Variants in OR4Q3 observed in about 807,000 individuals in gnomAD.
OR4Q3 encodes the protein olfactory receptor 4Q3.
A neutral mutation model predicts 18.8 loss-of-function variants in OR4Q3; 17 were observed. That is an observed-to-expected ratio of 0.91 (90% confidence interval 0.62 to 1.36). The LOEUF (loss-of-function observed/expected upper bound fraction) is 1.36. OR4Q3 is among the 40% of genes most tolerant of loss of function. The pLI is 0.00. For synonymous variants in OR4Q3, 158 were observed against 145.8 expected (o/e 1.08, Z -0.60); for missense variants, 378 against 373.4 (o/e 1.01, Z -0.10).
exon 2 of OR4Q3, chr14:19,748,345 A>C: frequency 6.2e-7 from 1 of 1,609,962 alleles, no homozygotes. Flanking sequence ...GGATAAAACC[A>C]TGTGGCATTC....
downstream of OR4Q3, among the ~76,000 whole-genome samples, chr14:19,749,715 G>A: frequency 0.12 from 17,885 of 143,306 alleles, 516 homozygotes; most frequent in South Asian, 0.23. Flanking sequence ...TATACAGATT[G>A]CTTCTTTCTT....
At chr14:19,751,059 C>T, downstream of OR4Q3, among the ~76,000 whole-genome samples, 2 of 152,234 alleles carry the variant, frequency 1.3e-5, no homozygotes, top group East Asian at 3.8e-4. Context: ...AAGCCAGCTG[C>T]AACATCCCTT....
At chr14:19,745,751 G>T in intron 1 of OR4Q3, among the ~76,000 whole-genome samples, 1 of 152,198 alleles carries the variant, frequency 6.6e-6, no homozygotes, top group East Asian at 1.9e-4. Flanking sequence ...AAAGATTAGA[G>T]AATTTTCAAT....
At chr14:19,749,850 C>A, downstream of OR4Q3, among the ~76,000 whole-genome samples, 1 of 1,766 alleles carries the variant, frequency 5.7e-4, no homozygotes, top group South Asian at 0.023. Context: ...CAGATTACTT[C>A]TTTCTTTCTT....
At chr14:19,744,595 C>G (rs1034152354) in intron 1 of OR4Q3, among the ~76,000 whole-genome samples, 1 of 152,182 alleles carries the variant, frequency 6.6e-6, no homozygotes, top group African/African-American at 2.4e-5. Flanking sequence ...TGAAGACTTT[C>G]ATTTTGCATT....
chr14:19,744,690 T>C lies in OR4Q3; in HGVS notation c.2+1019T>C, dbSNP rs568639559. On this transcript the variant is annotated intron_variant, in intron 1 of 1. Transcript: ENST00000642117. The stretch of plus-strand genomic sequence containing the variant: ...TCACATTCTTAGGTTATTTTTAGGA[T>C]ATGAAACATGAAATGCTTGATAAGG... Among the ~76,000 whole-genome samples the C allele has an allele frequency of 2.8e-4, 43 of 152,294 alleles. No homozygotes were observed. The Middle Eastern group carries it at 0.014, about 49-fold the overall frequency.
intron 1 of OR4Q3, among the ~76,000 whole-genome samples, chr14:19,744,984 T>G: frequency 6.6e-6 from 1 of 152,286 alleles, no homozygotes; most frequent in South Asian, 2.1e-4. Flanking sequence ...AAAAGGGAGC[T>G]TTCTATATTG....
In OR4Q3 at chr14:19,747,519, T is replaced by A; in HGVS notation, c.116T>A (p.Phe39Tyr). 6.2e-6 allele frequency: 10 copies of A among 1,613,564 alleles called. No homozygotes were observed. In the African/African-American group the frequency reaches 1.3e-4, roughly 22 times the overall value. ...CTGCAGCTATTTCTCTTCTTACTAT[T>A]TTTGTTTTTTTACATTGCTATTGTC... Residue 39 changes from phenylalanine (F) to tyrosine (Y), a missense_variant, in exon 2 of 2, where the codon TTT (phenylalanine) becomes TAT (tyrosine). Phe to Tyr is a conservative substitution (Grantham distance 22). Coordinates refer to ENST00000642117, the Ensembl canonical transcript of OR4Q3.
downstream of OR4Q3, among the ~76,000 whole-genome samples, chr14:19,749,801 T>C: frequency 1.1e-3 from 89 of 81,934 alleles, 2 homozygotes; most frequent in African/African-American, 2.9e-3. Flanking sequence ...TCTTTCTCTC[T>C]CTTTCTCTCT....
intron 1 of OR4Q3, among the ~76,000 whole-genome samples, chr14:19,746,521 C>T: frequency 1.3e-5 from 2 of 152,274 alleles, no homozygotes; most frequent in Non-Finnish European, 1.5e-5. Context: ...TTTGTGCATG[C>T]CTCCGTGATA....
exon 2 of OR4Q3, chr14:19,747,644 T>C: frequency 8.7e-6 from 14 of 1,614,086 alleles, no homozygotes; most frequent in Non-Finnish European, 1.2e-5. Flanking sequence ...CATTGACCTA[T>C]GCCTGAGCTG....
At position 19,748,071 on chromosome 14, in the gene OR4Q3, T is replaced by A; in HGVS notation, c.668T>A (p.Leu223Ter). The change falls in exon 2 of 2, where the codon TTA (leucine) becomes TAA (stop). Residue 223 changes from leucine (L) to a stop codon, truncating the protein, a stop_gained. Coordinates refer to ENST00000642117, the Ensembl canonical transcript of OR4Q3. LOFTEE classifies it high-confidence loss of function. ...CTGTCTCTTGTCTGCTTCTTGGTCT[T>A]ACTATTCTCTTATGCTATCATCCTG... 2 of 1,614,074 alleles carry A rather than the reference T, an allele frequency of 1.2e-6. No individual in the cohort carries two copies. Among genetic ancestry groups the A allele is most frequent in the Non-Finnish European group, 1.7e-6 (2 of 1,179,988 alleles).
chr14:19,747,615 T>G, exon 2 of OR4Q3: 2 of 1,614,044 alleles, frequency 1.2e-6, no homozygotes, highest in South Asian at 1.1e-5. Flanking sequence ...ATGTATTATT[T>G]TTTAGGTCAT....
downstream of OR4Q3, among the ~76,000 whole-genome samples, chr14:19,751,294 G>C: frequency 6.6e-6 from 1 of 152,196 alleles, no homozygotes; most frequent in Non-Finnish European, 1.5e-5. Context: ...GTATTGTGTT[G>C]AGGATTTTTG....
chr14:19,747,278 C>A, intron 1 of OR4Q3, 128 bp from the exon 2 acceptor site: 4 of 439,106 alleles, frequency 9.1e-6, no homozygotes, highest in Non-Finnish European at 3.8e-6. Context: ...GAGTGTACTG[C>A]CTATATTACC....
At position 19,745,069 on chromosome 14, in the gene OR4Q3, C is replaced by T; in HGVS notation, c.2+1398C>T. On this transcript the variant is annotated intron_variant, in intron 1 of 1. Coordinates refer to ENST00000642117, the Ensembl canonical transcript of OR4Q3. ...AAAAAAATCCAAGAATAACCAGAATCCAGCCCTTACCTTGATTAAAACTCA... is the reference window on the plus strand; with the variant it reads ...AAAAAAATCCAAGAATAACCAGAATTCAGCCCTTACCTTGATTAAAACTCA... Among the ~76,000 whole-genome samples, 166 of 152,248 alleles carry T rather than the reference C, an allele frequency of 1.1e-3. 1 individual carries two copies. The highest frequency in any genetic ancestry group is 2.2e-3 in the Non-Finnish European group (147 of 67,992).
chr14:19,748,393 G>A, exon 2 of OR4Q3: 2 of 1,523,810 alleles, frequency 1.3e-6, no homozygotes, highest in Non-Finnish European at 1.8e-6. Flanking sequence ...GAGGTGATTT[G>A]AAAAACACAC....
downstream of OR4Q3, among the ~76,000 whole-genome samples, chr14:19,750,051 C>A: frequency 6.7e-6 from 1 of 150,048 alleles, no homozygotes; most frequent in South Asian, 2.1e-4. Context: ...GTGGCACAAT[C>A]TTGGCTCACT....
At chr14:19,749,371 G>C in exon 2 of OR4Q3, 1 of 152,450 alleles carries the variant, frequency 6.6e-6, no homozygotes, top group Non-Finnish European at 1.5e-5. Flanking sequence ...GGCCAGGGCA[G>C]GCAGATCATC....
Sources: gnomAD v4.1 joint callset for allele counts (sites outside exome capture counted in the v4.1 genomes callset) on GRCh38, gnomAD v4.1.1 for gene constraint, MANE v1.5 for transcripts, NCBI Gene and HGNC (gene_info 2026-07-23, HGNC 2026-07-21) for gene names.